RAB38: variants seen among roughly 807,000 people sequenced by gnomAD.
RAB38 encodes ras-related protein Rab-38.
A neutral mutation model predicts 18.4 loss-of-function variants in RAB38; 15 were observed. The observed-to-expected ratio is 0.82, with a 90% CI of 0.55 to 1.26. The LOEUF is 1.26. Among genes scored for constraint, RAB38 ranks in the 50% most tolerant of loss-of-function variants. RAB38 has a pLI of 0.00. For synonymous variants in RAB38, 101 were observed against 104.4 expected (o/e 0.97, Z 0.20); for missense variants, 294 against 267.4 (o/e 1.10, Z -0.69).
chr11:87,970,734 T>C, the RAB38 span, among the ~76,000 whole-genome samples: 4 of 152,110 alleles, frequency 2.6e-5, no homozygotes, highest in South Asian at 2.1e-4. Context: ...ATTGTATAAA[T>C]ATGAAAATAT....
chr11:88,102,762 C>T, the RAB38 span, among the ~76,000 whole-genome samples: 1 of 152,030 alleles, frequency 6.6e-6, no homozygotes, highest in Non-Finnish European at 1.5e-5. Flanking sequence ...ACTTCCTCTC[C>T]AGCCTATGAG....
At position 88,175,165 on chromosome 11, in the gene RAB38, C is replaced by T. The variant is rs776045195; in HGVS notation, c.202+18G>A. ...CGCGAGGCGCTCTATCCCCCTGACC[C>T]CCTCCCCCCGCGCTCACCTGCGATA... On this transcript the variant is annotated intron_variant, in intron 1 of 2. Transcript: ENST00000243662. 6.3e-7 allele frequency: 1 copy of T among 1,575,016 alleles called. No individual in the cohort carries two copies. Among genetic ancestry groups the T allele is most frequent in the Non-Finnish European group, 8.6e-7 (1 of 1,158,874 alleles).
At chr11:87,834,399 C>A in the RAB38 span, among the ~76,000 whole-genome samples, 2 of 152,200 alleles carry the variant, frequency 1.3e-5, no homozygotes, top group African/African-American at 2.4e-5. Flanking sequence ...GGACTTCTGA[C>A]CTTCAAAACT....
chr11:87,956,965 T>G, the RAB38 span, among the ~76,000 whole-genome samples: 94 of 115,518 alleles, frequency 8.1e-4, 1 homozygote, highest in African/African-American at 2.5e-3. Context: ...TGAACCTAAG[T>G]ATAAAAATGC....
chr11:88,159,082 C>A (rs1943158236), intron 1 of RAB38, among the ~76,000 whole-genome samples: 1 of 151,792 alleles, frequency 6.6e-6, no homozygotes, highest in Non-Finnish European at 1.5e-5. Flanking sequence ...TGATAAATGA[C>A]TTCAGTAAAA....
the RAB38 span, among the ~76,000 whole-genome samples, chr11:87,869,533 T>C: frequency 1.1e-4 from 16 of 151,758 alleles, no homozygotes; most frequent in African/African-American, 3.9e-4. Flanking sequence ...AATGCAATAA[T>C]TTTATAGTTA....
the RAB38 span, among the ~76,000 whole-genome samples, chr11:87,855,653 A>C: frequency 6.6e-6 from 1 of 152,274 alleles, no homozygotes; most frequent in Admixed American, 6.5e-5. Context: ...AAGATAAAAG[A>C]AATTACGTAA....
At chr11:87,808,307 A>T in the RAB38 span, among the ~76,000 whole-genome samples, 1 of 152,198 alleles carries the variant, frequency 6.6e-6, no homozygotes, top group Non-Finnish European at 1.5e-5. Flanking sequence ...AAATCAACCT[A>T]AGTGTCCACT....
chr11:87,855,027 C>T, the RAB38 span, among the ~76,000 whole-genome samples: 6 of 152,152 alleles, frequency 3.9e-5, no homozygotes, highest in South Asian at 2.1e-4. Context: ...GATCTCCTGA[C>T]GTCGTGATCC....
At chr11:88,152,455 G>T (rs1416155923) in intron 1 of RAB38, among the ~76,000 whole-genome samples, 3 of 152,324 alleles carry the variant, frequency 2.0e-5, no homozygotes, top group Middle Eastern at 3.4e-3. Flanking sequence ...GTGTGTTTGA[G>T]TTTGTGAATG....
At chr11:87,811,032 A>G in the RAB38 span, among the ~76,000 whole-genome samples, 2 of 152,056 alleles carry the variant, frequency 1.3e-5, no homozygotes, top group African/African-American at 2.4e-5. Flanking sequence ...CTGAATGTCA[A>G]AAAGAGGGCG....
chr11:87,866,619 CT>C, the RAB38 span, among the ~76,000 whole-genome samples: 2 of 151,712 alleles, frequency 1.3e-5, no homozygotes, highest in Admixed American at 6.6e-5. Context: ...TTTCTTGTCT[CT>C]GTTCATTCCA....
At chr11:88,175,123 C>G (rs996681167) in intron 1 of RAB38, 60 bp downstream of exon 1, 7 of 1,480,486 alleles carry the variant, frequency 4.7e-6, no homozygotes, top group South Asian at 2.6e-5. Context: ...GCCGCTGCCT[C>G]GAGACTGGAA....
chr11:88,152,630 T>A (rs1052069731), intron 1 of RAB38, among the ~76,000 whole-genome samples: 1 of 152,206 alleles, frequency 6.6e-6, no homozygotes, highest in African/African-American at 2.4e-5. Flanking sequence ...ATTTTCTCCT[T>A]CCTTTGTCAG....
chr11:87,898,972 G>T, the RAB38 span, among the ~76,000 whole-genome samples: 1 of 151,600 alleles, frequency 6.6e-6, no homozygotes, highest in African/African-American at 2.4e-5. Context: ...GTTTCTTAAT[G>T]CAAATACTCT....
At chr11:88,041,605 T>G in the RAB38 span, among the ~76,000 whole-genome samples, 1 of 152,208 alleles carries the variant, frequency 6.6e-6, no homozygotes, top group African/African-American at 2.4e-5. Context: ...AAAAAATGAT[T>G]AATGCATAGA....
the RAB38 span, among the ~76,000 whole-genome samples, chr11:87,926,512 TTTTG>T: frequency 0.098 from 14,859 of 150,926 alleles, 929 homozygotes; most frequent in African/African-American, 0.17. Context: ...ATGGTGGTTT[TTTTG>T]TTTGTTTGTT....
chr11:88,101,394 A>C, the RAB38 span, among the ~76,000 whole-genome samples: 1 of 152,012 alleles, frequency 6.6e-6, no homozygotes, highest in Non-Finnish European at 1.5e-5. Flanking sequence ...ATAGATATCC[A>C]GCATTCATGG....
chr11:88,032,451 A>G, the RAB38 span, among the ~76,000 whole-genome samples: 3 of 152,172 alleles, frequency 2.0e-5, no homozygotes, highest in Admixed American at 6.5e-5. Flanking sequence ...GCAACCTACA[A>G]AATGGGAGAA....
Sources: gnomAD v4.1 joint callset for allele counts (sites outside exome capture counted in the v4.1 genomes callset) on GRCh38, gnomAD v4.1.1 for gene constraint, MANE v1.5 for transcripts, NCBI Gene and HGNC (gene_info 2026-07-23, HGNC 2026-07-21) for gene names.